TMTC2: variants seen among roughly 807,000 people sequenced by gnomAD.
TMTC2 encodes the protein transmembrane O-mannosyltransferase targeting cadherins 2, also known as protein O-mannosyl-transferase TMTC2.
Under a neutral mutation model 82.4 loss-of-function variants are expected in TMTC2, and 43 were observed. That is an observed-to-expected ratio of 0.52 (90% confidence interval 0.41 to 0.67). TMTC2 has a LOEUF of 0.67. Among genes scored for constraint, TMTC2 ranks in the 30% least tolerant of loss-of-function variants. The pLI is 0.00. For missense variants in TMTC2, 919 were observed against 1,012.4 expected, an observed-to-expected ratio of 0.91 and a Z score of 1.25; for synonymous variants, 408 against 381.9, an observed-to-expected ratio of 1.07 and a Z score of -0.80.
At chr12:83,034,398 G>T (rs1252040349) in intron 9 of TMTC2, among the ~76,000 whole-genome samples, 3 of 152,154 alleles carry the variant, frequency 2.0e-5, no homozygotes, top group Admixed American at 2.0e-4. Flanking sequence ...GGATCCCATC[G>T]AACTAGGTAG....
chr12:82,883,882 A>G (rs1872960514), intron 2 of TMTC2, among the ~76,000 whole-genome samples: 1 of 152,206 alleles, frequency 6.6e-6, no homozygotes, highest in African/African-American at 2.4e-5. Flanking sequence ...ACTTTCGTTT[A>G]AAACTTTTTT....
At chr12:83,064,503 T>C (rs907915820) in intron 11 of TMTC2, among the ~76,000 whole-genome samples, 10 of 151,970 alleles carry the variant, frequency 6.6e-5, no homozygotes, top group Middle Eastern at 3.2e-3. Context: ...GATGTTACCA[T>C]TGATGGATCA....
intron 3 of TMTC2, among the ~76,000 whole-genome samples, chr12:82,918,024 C>T (rs1010878529): frequency 5.3e-5 from 8 of 152,138 alleles, no homozygotes; most frequent in African/African-American, 1.9e-4. Flanking sequence ...CAGCCTTGAC[C>T]TCCTAGGCTC....
intron 11 of TMTC2, among the ~76,000 whole-genome samples, chr12:83,076,193 T>C (rs1026888338): frequency 6.6e-6 from 1 of 152,208 alleles, no homozygotes; most frequent in Admixed American, 6.5e-5. Context: ...AACAATATTT[T>C]TTCAATATAT....
intron 1 of TMTC2, among the ~76,000 whole-genome samples, chr12:82,711,984 G>C (rs965173251): frequency 8.5e-5 from 13 of 152,160 alleles, no homozygotes; most frequent in Non-Finnish European, 1.8e-4. Context: ...CATACAGCAC[G>C]CTCTATCTTT....
intron 4 of TMTC2, among the ~76,000 whole-genome samples, chr12:82,936,087 T>G (rs1322318046): frequency 1.4e-4 from 21 of 151,930 alleles, no homozygotes; most frequent in Non-Finnish European, 2.9e-5. Flanking sequence ...CTTAAAATAA[T>G]AAAACACTAA....
intron 1 of TMTC2, among the ~76,000 whole-genome samples, chr12:82,766,465 C>A (rs1473730170): frequency 6.6e-6 from 1 of 152,152 alleles, no homozygotes; most frequent in African/African-American, 2.4e-5. Context: ...AAACATCTGC[C>A]TGATGATTGA....
chr12:83,017,177 A>G (rs775826416), intron 8 of TMTC2, among the ~76,000 whole-genome samples: 1 of 152,158 alleles, frequency 6.6e-6, no homozygotes, highest in Non-Finnish European at 1.5e-5. Flanking sequence ...GGTCACAGTA[A>G]GACCTCACTG....
intron 1 of TMTC2, among the ~76,000 whole-genome samples, chr12:82,739,992 GGTAGTAGTCA>G (rs1247655884): frequency 6.6e-6 from 1 of 151,908 alleles, no homozygotes; most frequent in African/African-American, 2.4e-5. Context: ...CCATACTCTG[GGTAGTAGTCA>G]GTATGTTTGA....
rs1213091978 is a variant in TMTC2, at chr12:82,896,343, G to A, written c.1180G>A (p.Val394Ile). The change falls in exon 3 of 12, where the codon GTT (valine) becomes ATT (isoleucine). Residue 394 changes from valine to isoleucine, a missense_variant. Transcript: ENST00000321196. ...CCAGCTTCCTTCTACGGAGAACATT[G>A]TTGTTCTGTCTTTATCTTTGTTAAT... ...RTQLPSTENI[V>I]VLSLSLLIIP... is the part of the protein sequence containing the mutation. 1 of 1,614,122 alleles carries A rather than the reference G, an allele frequency of 6.2e-7. No homozygotes were observed. The highest frequency in any genetic ancestry group is 2.2e-5 in the East Asian group (1 of 44,864).
At chr12:82,987,047 G>A (rs1016634658) in intron 8 of TMTC2, among the ~76,000 whole-genome samples, 8 of 152,086 alleles carry the variant, frequency 5.3e-5, no homozygotes, top group Admixed American at 1.3e-4. Context: ...TGAATTCATT[G>A]AAAAGTATTT....
At chr12:82,966,794 C>T in intron 6 of TMTC2, 125 bp from the exon 7 acceptor site, 1 of 615,536 alleles carries the variant, frequency 1.6e-6, no homozygotes, top group Non-Finnish European at 2.7e-6. Context: ...TTATTTTCCT[C>T]TAGTGAACCA....
intron 8 of TMTC2, among the ~76,000 whole-genome samples, chr12:82,993,567 A>T (rs1879489835): frequency 6.6e-6 from 1 of 152,188 alleles, no homozygotes; most frequent in Non-Finnish European, 1.5e-5. Context: ...CTATTATAAA[A>T]AGTTAAAATT....
At chr12:83,100,085 A>G (rs1233018838) in intron 11 of TMTC2, among the ~76,000 whole-genome samples, 1 of 151,654 alleles carries the variant, frequency 6.6e-6, no homozygotes, top group Admixed American at 6.6e-5. Flanking sequence ...ATGCTTGGCT[A>G]ATTTTTGTAT....
chr12:82,963,017 C>T (rs1156841092), intron 4 of TMTC2, among the ~76,000 whole-genome samples: 1 of 151,940 alleles, frequency 6.6e-6, no homozygotes, highest in Non-Finnish European at 1.5e-5. Context: ...AGTGGAGTTT[C>T]ACATAGGTGC....
In TMTC2 at chr12:82,965,722, A is replaced by G. The variant is rs138675449; in HGVS notation, c.1847A>G (p.Tyr616Cys). The change falls in exon 6 of 12, where the codon TAT becomes TGT. Residue 616 changes from tyrosine (Y) to cysteine (C), a missense_variant. Coordinates refer to ENST00000321196, the MANE Select transcript of TMTC2 (RefSeq NM_152588.3). Reference sequence around the variant, plus strand: ...TGTTTGTACAACCTAGGAAAGCTGTATCATGAGCAGGGACACTATGAGGTC... The same window carrying G: ...TGTTTGTACAACCTAGGAAAGCTGTGTCATGAGCAGGGACACTATGAGGTC... ...TSCLYNLGKL[Y>C]HEQGHYEEAL... The G allele has an allele frequency of 3.7e-4, 597 of 1,613,886 alleles. 4 individuals carry two copies. In the African/African-American group the frequency reaches 6.7e-3, roughly 18 times the overall value.
intron 1 of TMTC2, among the ~76,000 whole-genome samples, chr12:82,700,441 C>T (rs1873021053): frequency 6.6e-6 from 1 of 152,120 alleles, no homozygotes; most frequent in African/African-American, 2.4e-5. Flanking sequence ...AAAATTTAAA[C>T]TTACTTTTGA....
chr12:82,809,876 G>A (rs936421235), intron 1 of TMTC2, among the ~76,000 whole-genome samples: 10 of 152,232 alleles, frequency 6.6e-5, no homozygotes, highest in Non-Finnish European at 1.0e-4. Context: ...TATTTGATAC[G>A]TCTAGTATTT....
chr12:82,736,239 TA>T (rs1875119180), intron 1 of TMTC2, among the ~76,000 whole-genome samples: 1 of 152,202 alleles, frequency 6.6e-6, no homozygotes, highest in African/African-American at 2.4e-5. Flanking sequence ...GTTAACATCC[TA>T]GCATTCTTCT....
Sources: gnomAD v4.1 joint callset for allele counts (sites outside exome capture counted in the v4.1 genomes callset) on GRCh38, gnomAD v4.1.1 for gene constraint, MANE v1.5 for transcripts, NCBI Gene and HGNC (gene_info 2026-07-23, HGNC 2026-07-21) for gene names.